MYO1C: variants seen among roughly 807,000 people sequenced by gnomAD.
The protein encoded by MYO1C is unconventional myosin-Ic.
In MYO1C, 104 loss-of-function variants were observed where a neutral mutation model predicts 150.8. The ratio of observed to expected loss-of-function variants is 0.69; its 90% CI spans 0.59 to 0.81. MYO1C has a LOEUF of 0.81. MYO1C is among the 30% of genes least tolerant of loss of function. MYO1C has a pLI of 0.00. For synonymous variants in MYO1C, 663 were observed against 579.9 expected (o/e 1.14, Z -2.06); for missense variants, 1,504 against 1,435.0 (o/e 1.05, Z -0.78).
chr17:1,484,872 TCCCACCCAG>T, intron 1 of MYO1C: 5 of 341,180 alleles, frequency 1.5e-5, no homozygotes, highest in East Asian at 1.8e-4. Flanking sequence ...GGGCCGTCTC[TCCCACCCAG>T]ACCCACCCCC....
At chr17:1,485,563 C>T (rs2074635755) in intron 1 of MYO1C, 1 of 728,606 alleles carries the variant, frequency 1.4e-6, no homozygotes, top group African/African-American at 1.9e-5. Flanking sequence ...CCTCCCCCTG[C>T]AACTTCCCGG....
intron 1 of MYO1C, among the ~76,000 whole-genome samples, chr17:1,490,333 T>TAA (rs34316938): frequency 1.5e-3 from 215 of 144,192 alleles, no homozygotes; most frequent in African/African-American, 5.3e-3. Flanking sequence ...CCGTCTCTAC[T>TAA]AAAAAAAAAA....
At position 1,472,182 on chromosome 17, in the gene MYO1C, A is replaced by G. The variant is rs2074318292; in HGVS notation, c.1844T>C (p.Leu615Pro). 4.3e-6 allele frequency: 7 copies of G among 1,614,144 alleles called. No homozygotes were observed. Among genetic ancestry groups the G allele is most frequent in the Non-Finnish European group, 5.9e-6 (7 of 1,180,004 alleles). Residue 615 changes from leucine to proline, a missense_variant, in exon 18 of 32, where the codon CTG (leucine) becomes CCG (proline). By Grantham distance (98) the Leu-to-Pro change is moderately conservative. Coordinates refer to ENST00000648651, the MANE Select transcript of MYO1C (RefSeq NM_001080779.2). Reference protein sequence around the residue: ...KMSLLQLVEILQSKEPAYVRC... With the variant: ...KMSLLQLVEIPQSKEPAYVRC... Reference sequence around the variant, plus strand: ...GACGTAGGCGGGCTCCTTAGACTGCAGGATCTCCACCAGCTGCAGGAGGCT... The same window carrying G: ...GACGTAGGCGGGCTCCTTAGACTGCGGGATCTCCACCAGCTGCAGGAGGCT...
chr17:1,492,270 CT>C, intron 1 of MYO1C, 142 bp downstream of exon 1: 2 of 801,134 alleles, frequency 2.5e-6, no homozygotes, highest in Non-Finnish European at 4.2e-6. Context: ...CTCACCCCGT[CT>C]TGTTCAGTCT....
chr17:1,467,311 A>G lies in MYO1C; in HGVS notation c.3096T>C (p.Asp1032=). The G allele has an allele frequency of 1.2e-6, 2 of 1,613,530 alleles. No homozygotes were observed. The highest frequency in any genetic ancestry group is 1.7e-6 in the Non-Finnish European group (2 of 1,179,842). The change falls in exon 31 of 32, where the codon GAT becomes GAC. Residue 1032 remains aspartate (D), a synonymous_variant. Coordinates refer to ENST00000648651, the MANE Select transcript of MYO1C (RefSeq NM_001080779.2). ...SITFAGGPGR[D]GTIDFTPGSE... is the part of the protein sequence containing the mutation. Reference sequence around the variant, plus strand: ...AGCCGGGTGTGAAGTCAATGGTGCCATCCCTGCCGGGGCCCCCTGCAAACG... The same window carrying G: ...AGCCGGGTGTGAAGTCAATGGTGCCGTCCCTGCCGGGGCCCCCTGCAAACG...
At chr17:1,473,375 G>A (rs142533347) in intron 17 of MYO1C, among the ~76,000 whole-genome samples, 56 of 152,242 alleles carry the variant, frequency 3.7e-4, no homozygotes, top group African/African-American at 1.3e-3. Flanking sequence ...ACGAGTCTGT[G>A]GCTTGCTGGA....
chr17:1,470,235 C>A lies in MYO1C; in HGVS notation c.2466G>T (p.Arg822=). The part of the protein sequence containing the change: ...VRTSFLLNLR[R]QLPQNVLDTS... ...TGTCCAGGACATTCTGGGGCAGCTG[C>A]CGCCTCAGGTTTAGCAAAAAAGAGG... Residue 822 remains arginine, a synonymous_variant, in exon 24 of 32, where the codon CGG becomes CGT. Coordinates refer to ENST00000648651, the MANE Select transcript of MYO1C (RefSeq NM_001080779.2). 11 of 1,610,458 alleles carry A rather than the reference C, an allele frequency of 6.8e-6. No homozygotes were observed. Among genetic ancestry groups the A allele is most frequent in the Non-Finnish European group, 9.3e-6 (11 of 1,178,960 alleles).
In MYO1C at chr17:1,478,190, A is replaced by C; in HGVS notation, c.1298T>G (p.Phe433Cys). The C allele has an allele frequency of 6.2e-7, 1 of 1,613,668 alleles. No individual in the cohort carries two copies. Among genetic ancestry groups the C allele is most frequent in the Non-Finnish European group, 8.5e-7 (1 of 1,179,938 alleles). Reference sequence around the variant, plus strand: ...GCAGTAATTGATGCAGAACTGCTCAAAGCTGTAAGGAAGGAGAAGAGCCCA... The same window carrying C: ...GCAGTAATTGATGCAGAACTGCTCACAGCTGTAAGGAAGGAGAAGAGCCCA... ...YGFEVFQHNS[F>C]EQFCINYCNE... Residue 433 changes from phenylalanine to cysteine, a missense_variant and splice_region_variant, in exon 12 of 32, where the codon TTT becomes TGT. Coordinates refer to ENST00000648651, the MANE Select transcript of MYO1C (RefSeq NM_001080779.2). This position sits in a 1 kb window ranked among gnomAD's most constrained non-coding sequence, Gnocchi z 6.3.
In MYO1C at chr17:1,483,664, C is replaced by A. The variant is rs377468370; in HGVS notation, c.293G>T (p.Arg98Leu). 3.1e-6 allele frequency: 5 copies of A among 1,613,238 alleles called. No homozygotes were observed. Among genetic ancestry groups the A allele is most frequent in the Non-Finnish European group, 4.2e-6 (5 of 1,179,768 alleles). Residue 98 changes from arginine (R) to leucine (L), a missense_variant, in exon 3 of 32, where the codon CGG (arginine) becomes CTG (leucine). Coordinates refer to ENST00000648651, the MANE Select transcript of MYO1C (RefSeq NM_001080779.2). Reference protein sequence around the residue: ...NPYRDLQIYSRQHMERYRGVS... With the variant: ...NPYRDLQIYSLQHMERYRGVS... ...GCCACGGTAACGCTCCATATGCTGC[C>A]GGCTGTAGATCTGCAGGTCCCGGTA...
intron 18 of MYO1C, 33 bp downstream of exon 18, chr17:1,472,090 C>T (rs749680160): frequency 9.9e-6 from 16 of 1,613,228 alleles, no homozygotes; most frequent in African/African-American, 1.3e-5. Flanking sequence ...CAGGGGAGGC[C>T]CGGCCCCGAA....
chr17:1,466,100 C>T (rs1208155815), intron 31 of MYO1C, among the ~76,000 whole-genome samples: 2 of 151,910 alleles, frequency 1.3e-5, no homozygotes, highest in African/African-American at 4.8e-5. Context: ...AGCCTGTCCT[C>T]CCTCCTGGCA....
At chr17:1,485,395 C>T (rs2074631483) in intron 1 of MYO1C, 8 of 1,049,872 alleles carry the variant, frequency 7.6e-6, no homozygotes, top group Non-Finnish European at 9.3e-6. Flanking sequence ...GTCCTCACCG[C>T]CCCGCTCCAA....
rs1175141555 is a variant in MYO1C at position 1,483,595 on chromosome 17, G to A, written c.347+15C>T. On this transcript the variant is annotated intron_variant, in intron 3 of 31. Coordinates refer to ENST00000648651, the MANE Select transcript of MYO1C (RefSeq NM_001080779.2). ...AGACAGAGGGGTCGCTCCCGGAGGG[G>A]CTGGGGTCACTCACAGGTGAGGGGG... The A allele has an allele frequency of 4.4e-6, 7 of 1,589,214 alleles. No individual in the cohort carries two copies. The highest frequency in any genetic ancestry group is 6.0e-6 in the Non-Finnish European group (7 of 1,164,706).
In MYO1C at chr17:1,465,066, C is replaced by T. The variant is rs2074143506; in HGVS notation, c.*660G>A. The T allele has an allele frequency of 1.3e-5, 2 of 152,426 alleles. No homozygotes were observed. 9.4% of individuals were successfully genotyped at this position (152,426 alleles called of 1,614,324 possible). A position where few individuals can be genotyped will look rare whatever the true frequency, so the allele number is the denominator to read the frequency against. On this transcript the variant is annotated 3_prime_UTR_variant, in exon 32 of 32. Transcript: ENST00000648651. ...ACCTCAGGTTATCTGCCCGTCTCCG[C>T]CTCCCAAAGTGCTGGGGTTACAGGC...
chr17:1,470,014 G>A (rs182808674), intron 24 of MYO1C, among the ~76,000 whole-genome samples, 161 bp downstream of exon 24: 2 of 150,930 alleles, frequency 1.3e-5, no homozygotes, highest in East Asian at 1.9e-4. Context: ...GCGAAAGTGT[G>A]AGACTCCATC....
rs1265826928 is a variant in MYO1C at position 1,478,945 on chromosome 17, T to C, written c.1093-210A>G. 1.3e-5 allele frequency among the ~76,000 whole-genome samples: 2 copies of C among 152,158 alleles called. No homozygotes were observed. Among genetic ancestry groups the C allele is most frequent in the Non-Finnish European group, 2.9e-5 (2 of 68,014 alleles). On this transcript the variant is annotated intron_variant, in intron 9 of 31. Transcript: ENST00000648651. This position sits in a 1 kb window ranked among gnomAD's most constrained non-coding sequence, Gnocchi z 6.3. ...GGTGGTAGAGGGACAGGAGGCCTCC[T>C]TCCCGAGGTGGGAGTCTGGTTCTAG... is the stretch of plus-strand genomic sequence containing the variant.
intron 1 of MYO1C, chr17:1,486,279 C>T (rs1387548981): frequency 6.6e-6 from 1 of 152,242 alleles, no homozygotes; most frequent in African/African-American, 2.4e-5. Flanking sequence ...TGGTCCGAGC[C>T]TCGAACCCAG....
rs897269963 is a variant in MYO1C at position 1,478,560 on chromosome 17, C to T, written c.1212+56G>A. The T allele has an allele frequency of 1.0e-4, 163 of 1,613,742 alleles. No homozygotes were observed. In the East Asian group the frequency reaches 2.8e-3, roughly 28 times the overall value. On this transcript the variant is annotated intron_variant, in intron 10 of 31. Transcript: ENST00000648651. This position sits in a 1 kb window ranked among gnomAD's most constrained non-coding sequence, Gnocchi z 6.3. ...GCCAGCCCCACCCTGCAGCACCCCC[C>T]GCCTCGCCGACGGCCCTCCCTTCTG... is the stretch of plus-strand genomic sequence containing the variant.
At chr17:1,491,616 G>T (rs2074735871) in intron 1 of MYO1C, 1 of 980,988 alleles carries the variant, frequency 1.0e-6, no homozygotes, top group Admixed American at 6.3e-5. Context: ...GGCTCTTCCG[G>T]CGCGGGCGGG....
Sources: allele counts gnomAD v4.1 joint callset (sites outside exome capture counted in the v4.1 genomes callset), GRCh38; gene constraint gnomAD v4.1.1; non-coding constraint Gnocchi (gnomAD v3.1); transcripts MANE v1.5; gene names NCBI Gene and HGNC (gene_info 2026-07-23, HGNC 2026-07-21).